The following PRDM7 variants were observed in gnomAD, a reference collection of about 807,000 sequenced individuals.
PRDM7 encodes the protein PR/SET domain 7.
Under a neutral mutation model 64.3 loss-of-function variants are expected in PRDM7, and 52 were observed. The ratio of observed to expected loss-of-function variants is 0.81; its 90% confidence interval spans 0.65 to 1.02. The LOEUF is 1.02. Ranked by LOEUF, PRDM7 falls within the 50% of genes least tolerant of loss-of-function variation. PRDM7 has a pLI of 0.00. For synonymous variants in PRDM7, 192 were observed against 210.1 expected, an observed-to-expected ratio of 0.91 and a Z score of 0.74; for missense variants, 574 against 597.1, an observed-to-expected ratio of 0.96 and a Z score of 0.40.
Position 90,068,048 on chromosome 16 carries a change from G to T in PRDM7, c.302-1138C>A, listed in dbSNP as rs572675791. Among the ~76,000 whole-genome samples, 13 of 151,200 alleles carry T rather than the reference G, an allele frequency of 8.6e-5. No individual in the cohort carries two copies. The South Asian group carries it at 2.5e-3, about 29-fold the overall frequency. The stretch of plus-strand genomic sequence containing the variant: ...ATTAGGCCAGTAAAATAAATAAAAG[G>T]CATCCAAATGGAAAGGAAGAAGTAA... On this transcript the variant is annotated intron_variant, in intron 4 of 10. Coordinates refer to ENST00000449207, the MANE Select transcript of PRDM7 (RefSeq NM_001098173.2).
chr16:90,061,561 A>C (rs747524746), intron 8 of PRDM7, 42 bp from the exon 9 acceptor site: 3 of 1,543,840 alleles, frequency 1.9e-6, no homozygotes, highest in Non-Finnish European at 2.7e-6. Flanking sequence ...TAGAGGGTAA[A>C]AATCCGAAGA....
At chr16:90,073,078 T>C (rs2037984804) in intron 4 of PRDM7, among the ~76,000 whole-genome samples, 1 of 152,168 alleles carries the variant, frequency 6.6e-6, no homozygotes, top group Non-Finnish European at 1.5e-5. Context: ...TTATTTTATC[T>C]ACTTGATGCT....
chr16:90,061,352 G>A (rs960331946), intron 9 of PRDM7, 100 bp downstream of exon 9: 4 of 1,195,414 alleles, frequency 3.3e-6, no homozygotes, highest in African/African-American at 3.1e-5. Flanking sequence ...AGAAATAGGG[G>A]ATGTGAAAAT....
intron 4 of PRDM7, among the ~76,000 whole-genome samples, chr16:90,073,157 C>G (rs187622178): frequency 9.9e-5 from 15 of 152,080 alleles, no homozygotes; most frequent in African/African-American, 3.6e-4. Context: ...GCTCCAGAAT[C>G]GAGACAAAGA....
At chr16:90,072,691 C>G (rs1475604618) in intron 4 of PRDM7, among the ~76,000 whole-genome samples, 1 of 152,032 alleles carries the variant, frequency 6.6e-6, no homozygotes, top group African/African-American at 2.4e-5. Context: ...AAGTTGTACG[C>G]TTAAAAATTG....
intron 5 of PRDM7, among the ~76,000 whole-genome samples, chr16:90,065,416 G>C (rs1300989623): frequency 7.4e-6 from 1 of 135,322 alleles, no homozygotes; most frequent in Non-Finnish European, 1.6e-5. Context: ...AAAAAAGAAA[G>C]AAAAGAAAAG....
intron 4 of PRDM7, among the ~76,000 whole-genome samples, chr16:90,073,881 C>G (rs2037997474): frequency 6.6e-6 from 1 of 151,902 alleles, no homozygotes; most frequent in African/African-American, 2.4e-5. Context: ...CTCCTGGGTT[C>G]AAGCTATTTC....
chr16:90,062,298 C>G, intron 7 of PRDM7, 103 bp downstream of exon 7: 2 of 1,613,642 alleles, frequency 1.2e-6, no homozygotes, highest in Admixed American at 1.7e-5. Flanking sequence ...CAATCCTGTA[C>G]TTTAATTCAT....
chr16:90,068,782 G>T (rs2037916089), intron 4 of PRDM7, among the ~76,000 whole-genome samples: 1 of 150,860 alleles, frequency 6.6e-6, no homozygotes, highest in South Asian at 2.1e-4. Flanking sequence ...AAAAAGAATA[G>T]AATAATTAGG....
At chr16:90,064,012 A>G (rs1413434374) in intron 5 of PRDM7, among the ~76,000 whole-genome samples, 1 of 152,248 alleles carries the variant, frequency 6.6e-6, no homozygotes, top group Admixed American at 6.5e-5. Context: ...GGAAGGAGGA[A>G]GAATACTTGG....
At chr16:90,073,674 C>T (rs543917863) in intron 4 of PRDM7, among the ~76,000 whole-genome samples, 13 of 152,078 alleles carry the variant, frequency 8.5e-5, no homozygotes, top group Admixed American at 2.6e-4. Flanking sequence ...GCTGGGATTA[C>T]ATTGTGCTTG....
Position 90,075,895 on chromosome 16 carries a change from A to G in PRDM7, c.16T>C (p.Ser6Pro). The G allele has an allele frequency of 1.2e-6, 2 of 1,613,788 alleles. No homozygotes were observed. The highest frequency in any genetic ancestry group is 8.5e-7 in the Non-Finnish European group (1 of 1,179,908). Residue 6 changes from serine to proline, a missense_variant, in exon 2 of 11, where the codon TCC becomes CCC. Transcript: ENST00000449207. The surrounding 1 kb of genome is among the most constrained non-coding windows in gnomAD (Gnocchi z 4.3). ...TCTCCTTCTGGGCTCTCCTCTTGGG[A>G]CCTTTCAGGGCTCATGGTGCTGGGA... is the stretch of plus-strand genomic sequence containing the variant. MSPER[S>P]QEESPEGDTE... is the part of the protein sequence containing the mutation.
At chr16:90,062,926 A>G (rs2037807794) in intron 6 of PRDM7, among the ~76,000 whole-genome samples, 1 of 152,240 alleles carries the variant, frequency 6.6e-6, no homozygotes, top group African/African-American at 2.4e-5. Flanking sequence ...AAAAGAATAT[A>G]TATTATCAGA....
chr16:90,067,671 A>G (rs1439330890), intron 4 of PRDM7, among the ~76,000 whole-genome samples: 2 of 149,118 alleles, frequency 1.3e-5, no homozygotes, highest in Non-Finnish European at 3.0e-5. Context: ...GCTCACTGCA[A>G]GCTCTGCCTC....
intron 5 of PRDM7, among the ~76,000 whole-genome samples, chr16:90,064,092 A>G (rs1197601615): frequency 6.6e-6 from 1 of 152,212 alleles, no homozygotes; most frequent in East Asian, 1.9e-4. Flanking sequence ...GAAGGAGGGA[A>G]TCTTCCATAA....
chr16:90,058,110 T>G lies in PRDM7; in HGVS notation c.*179A>C. ...CTTGCCCACACTCTCCATATTTGACTTTCGCAATTCTTGAGATTCCTACCC... is the reference window on the plus strand; with the variant it reads ...CTTGCCCACACTCTCCATATTTGACGTTCGCAATTCTTGAGATTCCTACCC... On this transcript the variant is annotated 3_prime_UTR_variant, in exon 11 of 11. Transcript: ENST00000449207. The G allele has an allele frequency of 6.2e-7, 1 of 1,614,138 alleles. No homozygotes were observed. Among genetic ancestry groups the G allele is most frequent in the South Asian group, 1.1e-5 (1 of 91,082 alleles).
intron 4 of PRDM7, among the ~76,000 whole-genome samples, chr16:90,069,463 T>C (rs2037926115): frequency 6.6e-6 from 1 of 151,412 alleles, no homozygotes; most frequent in Non-Finnish European, 1.5e-5. Context: ...ACTTCTTGTA[T>C]ATGACACCAA....
Position 90,075,484 on chromosome 16 carries a change from G to A in PRDM7, c.70-10C>T, listed in dbSNP as rs775988045. The stretch of plus-strand genomic sequence containing the variant: ...TGAAGGCATCTTTGACCTAGAGGAA[G>A]TAACAGATTCCATCAGTGATTTACT... On this transcript the variant is annotated splice_polypyrimidine_tract_variant and intron_variant, in intron 2 of 10. Coordinates refer to ENST00000449207, the MANE Select transcript of PRDM7 (RefSeq NM_001098173.2). The surrounding 1 kb of genome is among the most constrained non-coding windows in gnomAD (Gnocchi z 4.3). 1 of 1,614,204 alleles carries A rather than the reference G, an allele frequency of 6.2e-7. No homozygotes were observed. The highest frequency in any genetic ancestry group is 8.5e-7 in the Non-Finnish European group (1 of 1,180,026).
chr16:90,068,352 T>A (rs1474964312), intron 4 of PRDM7, among the ~76,000 whole-genome samples: 1 of 151,112 alleles, frequency 6.6e-6, no homozygotes, highest in African/African-American at 2.5e-5. Context: ...TACACGAATT[T>A]GGGCTGGGCA....
Sources: gnomAD v4.1 joint callset for allele counts (sites outside exome capture counted in the v4.1 genomes callset) on GRCh38, gnomAD v4.1.1 for gene constraint, Gnocchi (gnomAD v3.1) non-coding constraint, MANE v1.5 for transcripts, NCBI Gene and HGNC (gene_info 2026-07-23, HGNC 2026-07-21) for gene names.